The following KERA variants were observed in gnomAD, a reference collection of about 807,000 sequenced individuals.
The protein encoded by KERA is keratan sulfate proteoglycan keratocan.
KERA carries 25 observed loss-of-function variants against 26.4 expected under a neutral mutation model. That is an observed-to-expected ratio of 0.95 (90% CI 0.69 to 1.32). KERA has a LOEUF of 1.32. KERA is among the 40% of genes most tolerant of loss of function. The probability of loss-of-function intolerance (pLI) is 0.00; values close to 1 mark genes in which losing one functional copy is unlikely to be tolerated. For synonymous variants in KERA, 167 were observed against 146.1 expected, an observed-to-expected ratio of 1.14 and a Z score of -1.03; for missense variants, 434 against 408.9, an observed-to-expected ratio of 1.06 and a Z score of -0.53.
chr12:91,050,594 C>A lies in KERA; in HGVS notation c.*752G>T, dbSNP rs1206026324. 1 of 151,840 alleles carries A rather than the reference C, an allele frequency of 6.6e-6. No homozygotes were observed. The highest frequency in any genetic ancestry group is 1.5e-5 in the Non-Finnish European group (1 of 67,670). The allele number at this position is 151,840 out of a possible 1,614,324, so 9.4% of individuals were successfully genotyped here. On this transcript the variant is annotated 3_prime_UTR_variant, in exon 3 of 3. Transcript: ENST00000266719. ...TTTTATTTAGAAAATCCAAAAAACA[C>A]AATCAAATATAAAGAACAATTTGCA...
In KERA at chr12:91,051,155, G is replaced by A. The variant is rs1878855172; in HGVS notation, c.*191C>T. ...GTCTGTTTTATTAATTAAAAGAAAA[G>A]CAAATTAATGCAGGCTGTGATGCAT... On this transcript the variant is annotated 3_prime_UTR_variant, in exon 3 of 3. Transcript: ENST00000266719. 1.8e-6 allele frequency: 1 copy of A among 562,578 alleles called. No individual in the cohort carries two copies. The highest frequency in any genetic ancestry group is 3.0e-5 in the East Asian group (1 of 33,538). The allele number at this position is 562,578 out of a possible 1,614,324, so 34.8% of individuals were successfully genotyped here.
At chr12:91,054,476 C>T (rs1201229637) in intron 2 of KERA, among the ~76,000 whole-genome samples, 1 of 151,266 alleles carries the variant, frequency 6.6e-6, no homozygotes, top group African/African-American at 2.4e-5. Context: ...GGCTAGGTAT[C>T]GTACCCCTGT....
intron 2 of KERA, among the ~76,000 whole-genome samples, chr12:91,052,106 T>G (rs190590987): frequency 6.6e-6 from 1 of 151,730 alleles, no homozygotes; most frequent in East Asian, 1.9e-4. Flanking sequence ...TCTTGAATCT[T>G]CATCTTCAAA....
Position 91,051,168 on chromosome 12 carries a change from G to A in KERA, c.*178C>T. The A allele has an allele frequency of 3.3e-6, 2 of 598,416 alleles. No homozygotes were observed. 37.1% of individuals were successfully genotyped at this position (598,416 alleles called of 1,614,324 possible). A position where few individuals can be genotyped will look rare whatever the true frequency, so the allele number is the denominator to read the frequency against. ...ATTAAAAGAAAAGCAAATTAATGCA[G>A]GCTGTGATGCATGTAACTGGCAAAA... On this transcript the variant is annotated 3_prime_UTR_variant, in exon 3 of 3. Transcript: ENST00000266719.
At position 91,051,280 on chromosome 12, in the gene KERA, A is replaced by T; in HGVS notation, c.*66T>A. Reference sequence around the variant, plus strand: ...ATATGACTTGTGTCCTAAACCTATTAATGGTAACCACATTTCATGTCAGAA... The same window carrying T: ...ATATGACTTGTGTCCTAAACCTATTTATGGTAACCACATTTCATGTCAGAA... On this transcript the variant is annotated 3_prime_UTR_variant, in exon 3 of 3. Transcript: ENST00000266719. The T allele has an allele frequency of 2.3e-6, 3 of 1,326,642 alleles. No individual in the cohort carries two copies. The highest frequency in any genetic ancestry group is 3.3e-6 in the Non-Finnish European group (3 of 922,864). 82.2% of individuals were successfully genotyped at this position (1,326,642 alleles called of 1,614,324 possible).
chr12:91,057,974 G>C lies in KERA; in HGVS notation c.-239C>G, dbSNP rs1452411546. The stretch of plus-strand genomic sequence containing the variant: ...AAGACTGCTTACCTCAGCCTTCTTG[G>C]ATCTTCTTCTTCCTTTTCTATTGGT... On this transcript the variant is annotated 5_prime_UTR_variant, in exon 1 of 3. It adds an upstream start codon to the 5' untranslated region. Coordinates refer to ENST00000266719, the MANE Select transcript of KERA (RefSeq NM_007035.4). 1 of 151,050 alleles carries C rather than the reference G, an allele frequency of 6.6e-6. No homozygotes were observed. The highest frequency in any genetic ancestry group is 6.6e-5 in the Admixed American group (1 of 15,074). 9.4% of individuals were successfully genotyped at this position (151,050 alleles called of 1,614,324 possible). A position where few individuals can be genotyped will look rare whatever the true frequency, so the allele number is the denominator to read the frequency against.
intron 1 of KERA, among the ~76,000 whole-genome samples, chr12:91,057,337 T>C (rs1257469519): frequency 1.4e-5 from 2 of 142,520 alleles, no homozygotes; most frequent in Non-Finnish European, 3.0e-5. Flanking sequence ...ACATATATAT[T>C]TTAATAATTT....
At chr12:91,052,896 A>G (rs1388130892) in intron 2 of KERA, among the ~76,000 whole-genome samples, 1 of 151,492 alleles carries the variant, frequency 6.6e-6, no homozygotes, top group Non-Finnish European at 1.5e-5. Flanking sequence ...AAAAAGAAGT[A>G]TTCTAAATTT....
intron 1 of KERA, 24 bp from the exon 2 acceptor site, chr12:91,056,313 T>TTTCTG (rs746385866): frequency 6.3e-7 from 1 of 1,579,564 alleles, no homozygotes; most frequent in African/African-American, 1.4e-5. Flanking sequence ...AACACAACTG[T>TTTCTG]TAGATATTTG....
chr12:91,056,272 T>C lies in KERA; in HGVS notation c.10A>G (p.Thr4Ala). The C allele has an allele frequency of 6.2e-7, 1 of 1,609,014 alleles. No homozygotes were observed. MAGTICFIMWVLFI... is the reference protein window; with the variant it reads MAGAICFIMWVLFI... ...AACACCCACATGATGAAACAGATTG[T>C]GCCTGCCATTATAGCACCTACAGAA... Residue 4 changes from threonine to alanine, a missense_variant, in exon 2 of 3, where the codon ACA (threonine) becomes GCA (alanine). Physicochemically the swap from Thr to Ala is moderately conservative, Grantham distance 58. Coordinates refer to ENST00000266719, the MANE Select transcript of KERA (RefSeq NM_007035.4).
chr12:91,056,340 G>A, intron 1 of KERA, 51 bp from the exon 2 acceptor site: 1 of 1,436,948 alleles, frequency 7.0e-7, no homozygotes, highest in Non-Finnish European at 9.7e-7. Flanking sequence ...TTGACCTTTA[G>A]ATAATTTTAT....
chr12:91,052,153 G>C (rs1878885018), intron 2 of KERA, among the ~76,000 whole-genome samples: 1 of 151,392 alleles, frequency 6.6e-6, no homozygotes, highest in Non-Finnish European at 1.5e-5. Context: ...GCTAAGAATT[G>C]AATGACAAAG....
At chr12:91,052,041 A>C (rs1212931467) in intron 2 of KERA, among the ~76,000 whole-genome samples, 1 of 151,654 alleles carries the variant, frequency 6.6e-6, no homozygotes, top group Non-Finnish European at 1.5e-5. Context: ...AGTGTGCATA[A>C]CATGATTTTA....
intron 1 of KERA, 101 bp from the exon 2 acceptor site, chr12:91,056,390 A>T: frequency 2.2e-6 from 2 of 922,204 alleles, no homozygotes; most frequent in Non-Finnish European, 3.5e-6. Flanking sequence ...TTCAGGGAAG[A>T]GGTGAAAATA....
Position 91,057,870 on chromosome 12 carries a change from A to G in KERA, c.-135T>C, listed in dbSNP as rs545987551. 2.5e-4 allele frequency: 38 copies of G among 151,080 alleles called. No individual in the cohort carries two copies. The highest frequency in any genetic ancestry group is 4.0e-4 in the Non-Finnish European group (27 of 67,372). 9.4% of individuals were successfully genotyped at this position (151,080 alleles called of 1,614,324 possible). On this transcript the variant is annotated 5_prime_UTR_variant, in exon 1 of 3. It removes the in-frame stop codon of an upstream open reading frame in the 5' UTR. Transcript: ENST00000266719. The stretch of plus-strand genomic sequence containing the variant: ...TTTACTTTAAGCTGTCAAGTCGTCT[A>G]TGAGAAACAGTGAAACCTACTCGTC...
At position 91,055,930 on chromosome 12, in the gene KERA, T is replaced by G; in HGVS notation, c.352A>C (p.Ser118Arg). 6.2e-7 allele frequency: 1 copy of G among 1,611,258 alleles called. No homozygotes were observed. Among genetic ancestry groups the G allele is most frequent in the Non-Finnish European group, 8.5e-7 (1 of 1,178,210 alleles). The change falls in exon 2 of 3, where the codon AGC becomes CGC. Residue 118 changes from serine (S) to arginine (R), a missense_variant. Transcript: ENST00000266719. Reference protein sequence around the residue: ...TNYGIEKGALSQLKKLLFLFL... With the variant: ...TNYGIEKGALRQLKKLLFLFL... ...AAGAAGAGCAACTTCTTCAGCTGGCTTAGGGCTCCTTTTTCAATTCCGTAG... is the reference window on the plus strand; with the variant it reads ...AAGAAGAGCAACTTCTTCAGCTGGCGTAGGGCTCCTTTTTCAATTCCGTAG...
Position 91,056,273 on chromosome 12 carries a change from G to A in KERA, c.9C>T (p.Gly3=). ...ACACCCACATGATGAAACAGATTGT[G>A]CCTGCCATTATAGCACCTACAGAAA... is the stretch of plus-strand genomic sequence containing the variant. MA[G]TICFIMWVLF... is the part of the protein sequence containing the mutation. Residue 3 remains glycine (G), a synonymous_variant, in exon 2 of 3, where the codon GGC becomes GGT. Transcript: ENST00000266719. The A allele has an allele frequency of 3.1e-6, 5 of 1,608,046 alleles. No homozygotes were observed. The highest frequency in any genetic ancestry group is 4.2e-6 in the Non-Finnish European group (5 of 1,176,874).
intron 1 of KERA, among the ~76,000 whole-genome samples, chr12:91,056,844 A>T (rs974173595): frequency 1.3e-5 from 2 of 151,104 alleles, no homozygotes; most frequent in East Asian, 1.9e-4. Context: ...TAAAAATGTA[A>T]TTAATCTGTT....
chr12:91,051,589 C>T (rs1012474604), intron 2 of KERA, 71 bp from the exon 3 acceptor site: 1 of 1,110,958 alleles, frequency 9.0e-7, no homozygotes. Flanking sequence ...GACCAAAAAA[C>T]TAATGCCATG....
Sources: gnomAD v4.1 joint callset for allele counts (sites outside exome capture counted in the v4.1 genomes callset) on GRCh38, gnomAD v4.1.1 for gene constraint, MANE v1.5 for transcripts, NCBI Gene and HGNC (gene_info 2026-07-23, HGNC 2026-07-21) for gene names.